The following GSK3B variants were observed in gnomAD, a reference collection of about 807,000 sequenced individuals.
GSK3B encodes glycogen synthase kinase 3 beta.
Under a neutral mutation model 56.4 loss-of-function variants are expected in GSK3B, and 15 were observed. The ratio of observed to expected loss-of-function variants is 0.27; its 90% confidence interval spans 0.18 to 0.41. The LOEUF (loss-of-function observed/expected upper bound fraction) is 0.41. Ranked by LOEUF, GSK3B falls within the 10% of genes least tolerant of loss-of-function variation. The pLI, the probability that GSK3B is intolerant of heterozygous loss-of-function variation, is 1.00. For synonymous variants in GSK3B, 181 were observed against 188.9 expected (o/e 0.96, Z 0.34); for missense variants, 300 against 513.4 (o/e 0.58, Z 4.02).
At chr3:120,038,082 G>A (rs186575489) in intron 1 of GSK3B, among the ~76,000 whole-genome samples, 3 of 152,254 alleles carry the variant, frequency 2.0e-5, no homozygotes, top group African/African-American at 7.2e-5. Flanking sequence ...CTGAGGCACA[G>A]TTCAGTAACT....
At chr3:120,046,450 T>C (rs1453820401) in intron 1 of GSK3B, among the ~76,000 whole-genome samples, 1 of 152,128 alleles carries the variant, frequency 6.6e-6, no homozygotes, top group African/African-American at 2.4e-5. Context: ...TCACTCTACT[T>C]TCTGTTCACT....
intron 7 of GSK3B, among the ~76,000 whole-genome samples, chr3:119,904,101 ACT>A (rs1488152824): frequency 1.3e-5 from 2 of 152,234 alleles, no homozygotes; most frequent in African/African-American, 4.8e-5. Context: ...TAAAAAAAAG[ACT>A]CAATTATTAT....
intron 1 of GSK3B, among the ~76,000 whole-genome samples, chr3:120,021,234 G>A (rs1028600332): frequency 6.6e-6 from 1 of 152,136 alleles, no homozygotes; most frequent in Non-Finnish European, 1.5e-5. Context: ...CAGCGGGTGC[G>A]GTGGCTCATG....
At chr3:120,027,589 TAC>T (rs1464070933) in intron 1 of GSK3B, among the ~76,000 whole-genome samples, 2 of 152,152 alleles carry the variant, frequency 1.3e-5, no homozygotes, top group Non-Finnish European at 2.9e-5. Flanking sequence ...TAAACTATGA[TAC>T]ACTCACAATG....
intron 6 of GSK3B, among the ~76,000 whole-genome samples, chr3:119,911,439 C>A (rs1340694103): frequency 1.3e-5 from 2 of 151,852 alleles, no homozygotes; most frequent in Non-Finnish European, 2.9e-5. Context: ...CAGTGGCTTG[C>A]ACTTAAAAGT....
chr3:120,062,532 G>A (rs1559896530), intron 1 of GSK3B, among the ~76,000 whole-genome samples: 1 of 152,134 alleles, frequency 6.6e-6, no homozygotes, highest in Admixed American at 6.5e-5. Flanking sequence ...AGATACTTAA[G>A]AATTGACATG....
At chr3:120,020,419 G>A (rs1164941391) in intron 1 of GSK3B, among the ~76,000 whole-genome samples, 1 of 152,142 alleles carries the variant, frequency 6.6e-6, no homozygotes, top group Admixed American at 6.5e-5. Context: ...AAGTCTATCA[G>A]TGTCACTTTT....
intron 4 of GSK3B, among the ~76,000 whole-genome samples, chr3:119,923,014 A>G (rs2056858412): frequency 6.6e-6 from 1 of 152,346 alleles, no homozygotes; most frequent in South Asian, 2.1e-4. Context: ...GAACATATTT[A>G]TAACTATATT....
intron 2 of GSK3B, among the ~76,000 whole-genome samples, chr3:119,983,663 C>G (rs1283419388): frequency 6.6e-6 from 1 of 152,082 alleles, no homozygotes; most frequent in Non-Finnish European, 1.5e-5. Flanking sequence ...GCTAACTATC[C>G]TAAAGATATA....
At chr3:120,068,107 T>C (rs1279578590) in intron 1 of GSK3B, among the ~76,000 whole-genome samples, 1 of 152,118 alleles carries the variant, frequency 6.6e-6, no homozygotes. Context: ...TTAAAAATAT[T>C]TGGGGCCAGG....
Position 119,863,482 on chromosome 3 carries a change from C to A in GSK3B, c.1033G>T (p.Asp345Tyr). The A allele has an allele frequency of 1.2e-6, 2 of 1,613,848 alleles. No individual in the cohort carries two copies. Among genetic ancestry groups the A allele is most frequent in the Non-Finnish European group, 1.7e-6 (2 of 1,179,854 alleles). The change falls in exon 9 of 11, where the codon GAC becomes TAC. Residue 345 changes from aspartate (D) to tyrosine (Y), a missense_variant. Physicochemically the swap from Asp to Tyr is radical, Grantham distance 160 (BLOSUM62 -3). Around this residue, in one of 6 missense-constraint regions of GSK3B, gnomAD observed 38 missense variants for 58.3 expected, o/e 0.65. Coordinates refer to ENST00000264235, the MANE Select transcript of GSK3B (RefSeq NM_001146156.2). Reference sequence around the variant, plus strand: ...CCATTTGGTAGTTTGACATTTGGGTCCCGTAATTCATCAAAAAATGAATGT... The same window carrying A: ...CCATTTGGTAGTTTGACATTTGGGTACCGTAATTCATCAAAAAATGAATGT... ...CAHSFFDELR[D>Y]PNVKLPNGRD...
At chr3:119,973,933 G>A (rs1402175120) in intron 2 of GSK3B, among the ~76,000 whole-genome samples, 2 of 152,116 alleles carry the variant, frequency 1.3e-5, no homozygotes, top group African/African-American at 2.4e-5. Flanking sequence ...TCTAAGCATA[G>A]ACCTTATACC....
chr3:119,987,927 A>G (rs2057531532), intron 2 of GSK3B, among the ~76,000 whole-genome samples: 1 of 152,226 alleles, frequency 6.6e-6, no homozygotes, highest in Non-Finnish European at 1.5e-5. Flanking sequence ...GTACATTTTC[A>G]GTAATAATTA....
intron 1 of GSK3B, among the ~76,000 whole-genome samples, chr3:120,039,935 C>A (rs1376292520): frequency 6.6e-6 from 1 of 152,216 alleles, no homozygotes; most frequent in Non-Finnish European, 1.5e-5. Flanking sequence ...TTGGTCCTCT[C>A]CCGTGAAGAG....
At chr3:119,856,614 C>T (rs563659711) in intron 9 of GSK3B, among the ~76,000 whole-genome samples, 1 of 152,262 alleles carries the variant, frequency 6.6e-6, no homozygotes, top group East Asian at 1.9e-4. Flanking sequence ...TTAGTCCACT[C>T]ATAAATTTTC....
intron 2 of GSK3B, among the ~76,000 whole-genome samples, chr3:119,959,119 T>C (rs186408581): frequency 1.3e-5 from 2 of 152,194 alleles, no homozygotes; most frequent in South Asian, 2.1e-4. Context: ...TAATCCTTCC[T>C]CATTGGCCAA....
Position 119,850,396 on chromosome 3 carries a change from T to C in GSK3B, c.1097-7043A>G, listed in dbSNP as rs530500644. On this transcript the variant is annotated intron_variant, in intron 9 of 10. Coordinates refer to ENST00000264235, the MANE Select transcript of GSK3B (RefSeq NM_001146156.2). ...AATTACAGGCAATCCTTAAAATCCA[T>C]TGCTTTCATCTGTTCAGTCTTCTCT... Among the ~76,000 whole-genome samples, 45 of 152,306 alleles carry C rather than the reference T, an allele frequency of 3.0e-4. 1 individual carries two copies. In the Middle Eastern group the frequency reaches 0.017, roughly 58 times the overall value.
At position 119,967,092 on chromosome 3, in the gene GSK3B, T is replaced by C. The variant is rs535410171; in HGVS notation, c.283-19741A>G. The stretch of plus-strand genomic sequence containing the variant: ...TGTTGAAATTACAGCTACCTTTTTT[T>C]TTTTTAGACGGAGTCTTGCTCTGTT... On this transcript the variant is annotated intron_variant, in intron 2 of 10. Coordinates refer to ENST00000264235, the MANE Select transcript of GSK3B (RefSeq NM_001146156.2). 3.3e-5 allele frequency among the ~76,000 whole-genome samples: 5 copies of C among 152,294 alleles called. No homozygotes were observed. In the East Asian group the frequency reaches 9.7e-4, roughly 29 times the overall value.
chr3:119,938,094 C>T (rs1185909453), intron 3 of GSK3B, among the ~76,000 whole-genome samples: 1 of 151,948 alleles, frequency 6.6e-6, no homozygotes, highest in African/African-American at 2.4e-5. Flanking sequence ...TCTTAACAAA[C>T]ATACACACAA....
Sources: allele counts gnomAD v4.1 joint callset (sites outside exome capture counted in the v4.1 genomes callset), GRCh38; gene constraint gnomAD v4.1.1; regional missense constraint gnomAD v4.1.1; transcripts MANE v1.5; gene names NCBI Gene and HGNC (gene_info 2026-07-23, HGNC 2026-07-21).